PGAP3: variants seen among roughly 807,000 people sequenced by gnomAD.
PGAP3 encodes GPI-specific phospholipase A2-like PGAP3.
PGAP3 carries 31 observed loss-of-function variants against 40.3 expected under a neutral mutation model. The ratio of observed to expected loss-of-function variants is 0.77; its 90% CI spans 0.58 to 1.04. The LOEUF is 1.04. Among genes scored for constraint, PGAP3 ranks in the 50% least tolerant of loss-of-function variants. The probability of loss-of-function intolerance (pLI) is 0.00; values close to 1 mark genes in which losing one functional copy is unlikely to be tolerated. For missense variants in PGAP3, 413 were observed against 423.0 expected (o/e 0.98, Z 0.21); for synonymous variants, 191 against 184.5 (o/e 1.04, Z -0.29).
Position 39,688,048 on chromosome 17 carries a change from T to G in PGAP3, c.-34A>C. The stretch of plus-strand genomic sequence containing the variant: ...CCTGGCTCGCCGCCGGGGGAGGAGC[T>G]TAGGAGTATGAAGCTTCCACTTCCG... On this transcript the variant is annotated 5_prime_UTR_variant, in exon 1 of 8. Transcript: ENST00000300658. 4 of 1,347,138 alleles carry G rather than the reference T, an allele frequency of 3.0e-6. No individual in the cohort carries two copies. The highest frequency in any genetic ancestry group is 3.9e-6 in the Non-Finnish European group (4 of 1,036,528). 83.4% of individuals were successfully genotyped at this position (1,347,138 alleles called of 1,614,324 possible).
chr17:39,686,030 C>A lies in PGAP3; in HGVS notation c.182-11G>T. ...CCCGACAGGTCCAGCCTGAAACAGA[C>A]AAATGTGGCCTGGTGAACTCCCCAG... is the stretch of plus-strand genomic sequence containing the variant. On this transcript the variant is annotated splice_polypyrimidine_tract_variant and intron_variant, in intron 1 of 7. Transcript: ENST00000300658. 6.2e-7 allele frequency: 1 copy of A among 1,609,182 alleles called. No individual in the cohort carries two copies. The highest frequency in any genetic ancestry group is 1.7e-4 in the Middle Eastern group (1 of 6,050).
chr17:39,675,533 G>A (rs1003516803), intron 3 of PGAP3, among the ~76,000 whole-genome samples: 3 of 152,282 alleles, frequency 2.0e-5, no homozygotes, highest in East Asian at 1.9e-4. Context: ...AGGCCAGGCC[G>A]GGAATGGCCT....
At chr17:39,684,419 C>T (rs1176219065) in intron 3 of PGAP3, among the ~76,000 whole-genome samples, 178 bp downstream of exon 3, 1 of 152,202 alleles carries the variant, frequency 6.6e-6, no homozygotes, top group Non-Finnish European at 1.5e-5. Context: ...AAAGGTAAGG[C>T]CCGATTCAGC....
At chr17:39,674,910 G>A (rs1597814616) in intron 3 of PGAP3, among the ~76,000 whole-genome samples, 1 of 152,316 alleles carries the variant, frequency 6.6e-6, no homozygotes, top group African/African-American at 2.4e-5. Context: ...ACGGGGGGCT[G>A]CAGCCTCCAC....
rs1057182606 is a variant in PGAP3 at position 39,671,599 on chromosome 17, G to A, written c.*1204C>T. ...CAGCAGGGGAATGGAGGTTTTGGAG[G>A]GGAAGGCCAGCCATGCGAAGGCAAG... On this transcript the variant is annotated 3_prime_UTR_variant, in exon 8 of 8. Coordinates refer to ENST00000300658, the MANE Select transcript of PGAP3 (RefSeq NM_033419.5). 3 of 152,374 alleles carry A rather than the reference G, an allele frequency of 2.0e-5. No homozygotes were observed. The highest frequency in any genetic ancestry group is 4.8e-5 in the African/African-American group (2 of 41,446). 9.4% of individuals were successfully genotyped at this position (152,374 alleles called of 1,614,324 possible).
At chr17:39,685,350 G>C (rs2057496783) in intron 2 of PGAP3, among the ~76,000 whole-genome samples, 1 of 151,202 alleles carries the variant, frequency 6.6e-6, no homozygotes, top group Non-Finnish European at 1.5e-5. Flanking sequence ...AAATTAGCTG[G>C]GTGTGGTGGC....
At chr17:39,687,074 C>T (rs2057551852) in intron 1 of PGAP3, among the ~76,000 whole-genome samples, 1 of 152,248 alleles carries the variant, frequency 6.6e-6, no homozygotes, top group South Asian at 2.1e-4. Context: ...CCTGGATGTG[C>T]CCACATCTGC....
At position 39,687,932 on chromosome 17, in the gene PGAP3, A is replaced by G. The variant is rs959363367; in HGVS notation, c.83T>C (p.Val28Ala). 2.0e-6 allele frequency: 3 copies of G among 1,494,368 alleles called. No individual in the cohort carries two copies. The African/African-American group carries it at 4.2e-5, about 21-fold the overall frequency. The allele number at this position is 1,494,368 out of a possible 1,614,324, so 92.6% of individuals were successfully genotyped here. ...ASGSQGDREP[V>A]YRDCVLQCEE... ...GCACTGCAGTACGCAGTCGCGGTAC[A>G]CCGGCTCACGGTCGCCCTGGGAGCC... The change falls in exon 1 of 8, where the codon GTG becomes GCG. Residue 28 changes from valine (V) to alanine (A), a missense_variant. By Grantham distance (64) the Val-to-Ala change is moderately conservative (BLOSUM62 0). Coordinates refer to ENST00000300658, the MANE Select transcript of PGAP3 (RefSeq NM_033419.5).
At chr17:39,682,775 C>G (rs550985505) in intron 3 of PGAP3, among the ~76,000 whole-genome samples, 63 of 152,204 alleles carry the variant, frequency 4.1e-4, no homozygotes, top group African/African-American at 1.4e-3. Context: ...TCTCCTCAAC[C>G]CTCATTTAAA....
intron 3 of PGAP3, among the ~76,000 whole-genome samples, chr17:39,675,061 G>A (rs1370025268): frequency 6.6e-6 from 1 of 151,858 alleles, no homozygotes; most frequent in Admixed American, 6.6e-5. Context: ...CGGGCCCAGG[G>A]GAGCCAGTGA....
At position 39,687,802 on chromosome 17, in the gene PGAP3, T is replaced by C. The variant is rs764643798; in HGVS notation, c.181+32A>G. On this transcript the variant is annotated intron_variant, in intron 1 of 7. Coordinates refer to ENST00000300658, the MANE Select transcript of PGAP3 (RefSeq NM_033419.5). ...GCGCAGGGGGCGGGAGCAAGACAAA[T>C]GGGCGGGGCTTACCGTGGGGGTGGG... 9 of 1,258,106 alleles carry C rather than the reference T, an allele frequency of 7.2e-6. No individual in the cohort carries two copies. In the East Asian group the frequency reaches 1.6e-4, roughly 22 times the overall value. The allele number at this position is 1,258,106 out of a possible 1,614,324, so 77.9% of individuals were successfully genotyped here. A position where few individuals can be genotyped will look rare whatever the true frequency, so the allele number is the denominator to read the frequency against.
chr17:39,684,922 C>T (rs2057490088), intron 2 of PGAP3, 173 bp from the exon 3 acceptor site: 1 of 746,000 alleles, frequency 1.3e-6, no homozygotes, highest in Non-Finnish European at 2.1e-6. Flanking sequence ...CCCTCCAGTG[C>T]CTAGTTAAGA....
rs200824590 is a variant in PGAP3, at chr17:39,673,584, G to C, written c.624C>G (p.Thr208=). 1.2e-6 allele frequency: 2 copies of C among 1,614,066 alleles called. No homozygotes were observed. The highest frequency in any genetic ancestry group is 2.2e-5 in the South Asian group (2 of 91,080). ...TGAGGCTCAGGTAGGAGACGTGCAC[G>C]GTCAGCATGAGCAGCAGGAGAGCCC... ...AFRALLLLML[T]VHVSYLSLIR... The change falls in exon 6 of 8, where the codon ACC becomes ACG. Residue 208 remains threonine (T), a synonymous_variant. Transcript: ENST00000300658.
intron 3 of PGAP3, among the ~76,000 whole-genome samples, chr17:39,680,884 A>C (rs2057430972): frequency 6.7e-6 from 1 of 149,926 alleles, no homozygotes. Flanking sequence ...AAGACAGGTC[A>C]CCCTTTGTCA....
Position 39,673,116 on chromosome 17 carries a change from G to C in PGAP3, c.834C>G (p.Phe278Leu). 1 of 1,608,544 alleles carries C rather than the reference G, an allele frequency of 6.2e-7. No individual in the cohort carries two copies. The highest frequency in any genetic ancestry group is 8.5e-7 in the Non-Finnish European group (1 of 1,177,904). The change falls in exon 7 of 8, where the codon TTC becomes TTG. Residue 278 changes from phenylalanine to leucine, a missense_variant. Phe to Leu is a conservative substitution (Grantham distance 22). Coordinates refer to ENST00000300658, the MANE Select transcript of PGAP3 (RefSeq NM_033419.5). ...AGATGGCATGGGCATCCAGGACCCAGAAGAGCGGTGGGAAGTCAAGCAGCT... is the reference window on the plus strand; with the variant it reads ...AGATGGCATGGGCATCCAGGACCCACAAGAGCGGTGGGAAGTCAAGCAGCT... ...LLELLDFPPL[F>L]WVLDAHAIWH...
intron 5 of PGAP3, 69 bp from the exon 6 acceptor site, chr17:39,673,719 C>T: frequency 6.3e-7 from 1 of 1,587,674 alleles, no homozygotes; most frequent in Non-Finnish European, 8.6e-7. Flanking sequence ...CCTGAAGCAT[C>T]TCCTCCCCCC....
chr17:39,674,468 A>C, intron 4 of PGAP3, 149 bp downstream of exon 4: 1 of 818,878 alleles, frequency 1.2e-6, no homozygotes, highest in Non-Finnish European at 1.9e-6. Flanking sequence ...ACTGAGGATC[A>C]AGGGCACCAA....
chr17:39,682,129 G>A (rs940627987), intron 3 of PGAP3, among the ~76,000 whole-genome samples: 2 of 148,554 alleles, frequency 1.3e-5, no homozygotes, highest in African/African-American at 5.0e-5. Context: ...GGGAGGCTGA[G>A]GCAGGAGAAT....
chr17:39,686,122 T>C, intron 1 of PGAP3, 103 bp from the exon 2 acceptor site: 1 of 957,192 alleles, frequency 1.0e-6, no homozygotes, highest in East Asian at 2.7e-5. Context: ...GGCCTGTAAG[T>C]TGGAGAGAAC....
Sources: gnomAD v4.1 joint callset for allele counts (sites outside exome capture counted in the v4.1 genomes callset) on GRCh38, gnomAD v4.1.1 for gene constraint, MANE v1.5 for transcripts, NCBI Gene and HGNC (gene_info 2026-07-23, HGNC 2026-07-21) for gene names.